The following ADAMTS19 variants were observed in gnomAD, a reference collection of about 807,000 sequenced individuals.
ADAMTS19 encodes ADAM metallopeptidase with thrombospondin type 1 motif 19, also known as A disintegrin and metalloproteinase with thrombospondin motifs 19.
ADAMTS19 carries 93 observed loss-of-function variants against 153.3 expected under a neutral mutation model. The ratio of observed to expected loss-of-function variants is 0.61; its 90% CI spans 0.51 to 0.72. The LOEUF is 0.72. Among genes scored for constraint, ADAMTS19 ranks in the 30% least tolerant of loss-of-function variants. The pLI is 0.00. For missense variants in ADAMTS19, 1,482 were observed against 1,552.1 expected (o/e 0.95, Z 0.76); for synonymous variants, 600 against 556.6 (o/e 1.08, Z -1.10).
chr5:129,481,287 C>T (rs1342752403), intron 2 of ADAMTS19, among the ~76,000 whole-genome samples: 2 of 152,112 alleles, frequency 1.3e-5, no homozygotes, highest in Admixed American at 1.3e-4. Context: ...GGAAAACTGC[C>T]ACTTTTAAAT....
intron 10 of ADAMTS19, among the ~76,000 whole-genome samples, chr5:129,633,221 A>G (rs1752383105): frequency 6.7e-6 from 1 of 149,494 alleles, no homozygotes; most frequent in African/African-American, 2.5e-5. Context: ...GAAAGTTTCA[A>G]TTTACTTTTT....
At chr5:129,733,549 A>C (rs1757537541) in intron 21 of ADAMTS19, among the ~76,000 whole-genome samples, 1 of 152,014 alleles carries the variant, frequency 6.6e-6, no homozygotes, top group Non-Finnish European at 1.5e-5. Context: ...ACAAACATAT[A>C]AAAAATGCTT....
At chr5:129,560,385 C>T (rs1054744480) in intron 7 of ADAMTS19, among the ~76,000 whole-genome samples, 15 of 152,096 alleles carry the variant, frequency 9.9e-5, no homozygotes, top group African/African-American at 3.4e-4. Context: ...TCTTCTCCCA[C>T]TCACTTTAAT....
chr5:129,657,741 T>C (rs940353543), intron 14 of ADAMTS19, among the ~76,000 whole-genome samples: 3 of 152,194 alleles, frequency 2.0e-5, no homozygotes, highest in Non-Finnish European at 4.4e-5. Flanking sequence ...TGAACTGTAG[T>C]AAAAATAAAC....
At chr5:129,672,294 A>C (rs1205533863) in intron 16 of ADAMTS19, among the ~76,000 whole-genome samples, 1 of 152,176 alleles carries the variant, frequency 6.6e-6, no homozygotes, top group Non-Finnish European at 1.5e-5. Flanking sequence ...ATTAGGGGGT[A>C]GGGTTTTAAC....
chr5:129,653,887 C>A (rs1753425052), intron 13 of ADAMTS19, among the ~76,000 whole-genome samples: 1 of 151,904 alleles, frequency 6.6e-6, no homozygotes, highest in Non-Finnish European at 1.5e-5. Context: ...ATAAATAATT[C>A]AAGCATGAAG....
At position 129,669,405 on chromosome 5, in the gene ADAMTS19, T is replaced by A. The variant is rs1004186788; in HGVS notation, c.2506+3826T>A. Reference sequence around the variant, plus strand: ...TATCTAATTTATGGTCCTAAACTTGTTTATAATACTCTCATAATCCTTTTT... The same window carrying A: ...TATCTAATTTATGGTCCTAAACTTGATTATAATACTCTCATAATCCTTTTT... On this transcript the variant is annotated intron_variant, in intron 16 of 22. Coordinates refer to ENST00000274487, the MANE Select transcript of ADAMTS19 (RefSeq NM_133638.6). 7.2e-5 allele frequency among the ~76,000 whole-genome samples: 11 copies of A among 152,214 alleles called. No individual in the cohort carries two copies. The East Asian group carries it at 1.9e-3, about 27-fold the overall frequency.
chr5:129,489,048 C>T (rs1447099301), intron 2 of ADAMTS19, among the ~76,000 whole-genome samples: 1 of 152,008 alleles, frequency 6.6e-6, no homozygotes, highest in Non-Finnish European at 1.5e-5. Flanking sequence ...ACAGTTGGCT[C>T]TTAGTTTTCT....
At chr5:129,555,742 A>C (rs1753289678) in intron 7 of ADAMTS19, among the ~76,000 whole-genome samples, 1 of 152,074 alleles carries the variant, frequency 6.6e-6, no homozygotes, top group South Asian at 2.1e-4. Context: ...ATAGTGCTAG[A>C]CTCTACCTCA....
At chr5:129,490,205 C>G (rs1014382008) in intron 2 of ADAMTS19, among the ~76,000 whole-genome samples, 1 of 152,080 alleles carries the variant, frequency 6.6e-6, no homozygotes, top group Non-Finnish European at 1.5e-5. Flanking sequence ...AAATTCTTTT[C>G]AAATTTTAAG....
chr5:129,639,600 G>T (rs981281560), intron 10 of ADAMTS19, among the ~76,000 whole-genome samples: 2 of 152,122 alleles, frequency 1.3e-5, no homozygotes, highest in African/African-American at 4.8e-5. Flanking sequence ...AATGGTGGAA[G>T]GGCAGAATGT....
intron 16 of ADAMTS19, among the ~76,000 whole-genome samples, chr5:129,667,720 TC>T (rs1320763084): frequency 6.6e-6 from 1 of 152,052 alleles, no homozygotes; most frequent in African/African-American, 2.4e-5. Context: ...GCACCATACT[TC>T]CTATACAGCC....
intron 21 of ADAMTS19, among the ~76,000 whole-genome samples, chr5:129,723,645 G>T (rs1221771001): frequency 2.0e-5 from 3 of 152,176 alleles, no homozygotes; most frequent in Admixed American, 6.5e-5. Context: ...AATGTCCAGG[G>T]CAATAAAAGA....
chr5:129,543,112 T>A (rs2126803094), intron 6 of ADAMTS19, among the ~76,000 whole-genome samples: 1 of 151,270 alleles, frequency 6.6e-6, no homozygotes, highest in East Asian at 2.0e-4. Context: ...TGCAATGGCA[T>A]GATCTTGGCT....
At chr5:129,578,598 C>T (rs1043858518) in intron 7 of ADAMTS19, among the ~76,000 whole-genome samples, 1 of 151,804 alleles carries the variant, frequency 6.6e-6, no homozygotes, top group African/African-American at 2.4e-5. Flanking sequence ...CTCCCTTAAC[C>T]CCCACCCCTT....
intron 6 of ADAMTS19, among the ~76,000 whole-genome samples, chr5:129,532,266 G>C (rs567637262): frequency 7.2e-5 from 11 of 152,196 alleles, no homozygotes; most frequent in African/African-American, 2.4e-4. Flanking sequence ...TATCCAGAAT[G>C]TTTACGTATG....
At chr5:129,651,638 T>G (rs1753320182) in intron 13 of ADAMTS19, among the ~76,000 whole-genome samples, 1 of 152,200 alleles carries the variant, frequency 6.6e-6, no homozygotes, top group Non-Finnish European at 1.5e-5. Context: ...TTCTGCTGAT[T>G]TTGGGGTTCA....
At chr5:129,481,055 G>A (rs898681308) in intron 2 of ADAMTS19, among the ~76,000 whole-genome samples, 2 of 152,116 alleles carry the variant, frequency 1.3e-5, no homozygotes, top group African/African-American at 4.8e-5. Context: ...AAAGCAACGT[G>A]CAGCCTTTTA....
chr5:129,575,309 TATTTA>T (rs532657720), intron 7 of ADAMTS19, among the ~76,000 whole-genome samples: 68 of 152,234 alleles, frequency 4.5e-4, no homozygotes, highest in African/African-American at 1.6e-3. Flanking sequence ...GCTAGCATGA[TATTTA>T]ATTTTTTAAT....
Sources: allele counts gnomAD v4.1 joint callset (sites outside exome capture counted in the v4.1 genomes callset), GRCh38; gene constraint gnomAD v4.1.1; transcripts MANE v1.5; gene names NCBI Gene and HGNC (gene_info 2026-07-23, HGNC 2026-07-21).